Variants in PRXL2A observed in about 807,000 individuals in gnomAD.
PRXL2A encodes peroxiredoxin like 2A, also known as peroxiredoxin-like 2A.
A neutral mutation model predicts 25.6 loss-of-function variants in PRXL2A; 26 were observed. The ratio of observed to expected loss-of-function variants is 1.02; its 90% confidence interval spans 0.74 to 1.41. PRXL2A has a LOEUF of 1.41. Ranked by LOEUF, PRXL2A falls within the 40% of genes most tolerant of loss-of-function variation. The pLI, the probability that PRXL2A is intolerant of heterozygous loss-of-function variation, is 0.00. For synonymous variants in PRXL2A, 98 were observed against 102.9 expected (o/e 0.95, Z 0.29); for missense variants, 246 against 273.9 (o/e 0.90, Z 0.72).
At chr10:80,427,142 CAAAA>C (rs767746938) in intron 4 of PRXL2A, among the ~76,000 whole-genome samples, 186 bp from the exon 5 acceptor site, 5 of 91,978 alleles carry the variant, frequency 5.4e-5, no homozygotes, top group Non-Finnish European at 2.3e-5. Context: ...GACTCCATCT[CAAAA>C]AAAAAAAAAA....
Position 80,433,784 on chromosome 10 carries a change from T to C in PRXL2A, c.*1685T>C, listed in dbSNP as rs1481372249. 6.6e-6 allele frequency: 1 copy of C among 152,240 alleles called. No homozygotes were observed. 9.4% of individuals were successfully genotyped at this position (152,240 alleles called of 1,614,324 possible). On this transcript the variant is annotated 3_prime_UTR_variant, in exon 6 of 6. Coordinates refer to ENST00000606162, the MANE Select transcript of PRXL2A (RefSeq NM_032333.5). The stretch of plus-strand genomic sequence containing the variant: ...TGATAGGATAACTCAGTACCTAAAC[T>C]TAGAACTTTAATACCTAAGACACTT...
In PRXL2A at chr10:80,433,026, C is replaced by G. The variant is rs1427204132; in HGVS notation, c.*927C>G. The G allele has an allele frequency of 6.6e-6, 1 of 152,136 alleles. No individual in the cohort carries two copies. Among genetic ancestry groups the G allele is most frequent in the South Asian group, 2.1e-4 (1 of 4,828 alleles). 9.4% of individuals were successfully genotyped at this position (152,136 alleles called of 1,614,324 possible). On this transcript the variant is annotated 3_prime_UTR_variant, in exon 6 of 6. Transcript: ENST00000606162. ...GTATGTATAAGATTTTCTGATAAAACTAATAATTATATTTACCATATAATT... is the reference window on the plus strand; with the variant it reads ...GTATGTATAAGATTTTCTGATAAAAGTAATAATTATATTTACCATATAATT...
chr10:80,414,148 A>C (rs1844569970), intron 1 of PRXL2A, among the ~76,000 whole-genome samples: 1 of 152,186 alleles, frequency 6.6e-6, no homozygotes, highest in Admixed American at 6.5e-5. Flanking sequence ...AGCTTAGCCT[A>C]GGGAGCCCGA....
chr10:80,418,052 T>C (rs1844730848), intron 1 of PRXL2A, among the ~76,000 whole-genome samples: 1 of 151,834 alleles, frequency 6.6e-6, no homozygotes. Flanking sequence ...TTATTTTAGA[T>C]TCATGGGGTA....
chr10:80,408,329 G>A (rs2131869254), upstream of PRXL2A, among the ~76,000 whole-genome samples: 1 of 152,316 alleles, frequency 6.6e-6, no homozygotes, highest in Admixed American at 6.5e-5. Flanking sequence ...AACGCGTCGG[G>A]GCCTCGGTTC....
intron 3 of PRXL2A, among the ~76,000 whole-genome samples, chr10:80,424,848 TG>T (rs1272626471): frequency 6.6e-6 from 1 of 152,162 alleles, no homozygotes; most frequent in African/African-American, 2.4e-5. Flanking sequence ...GCGAGTAGCG[TG>T]GGCGACAGAG....
chr10:80,427,475 C>T lies in PRXL2A; in HGVS notation c.555C>T (p.Phe185=), dbSNP rs150904688. ...AAGGCTTCATCCTTGGGGGAGTTTTCGTGGTGGGATCAGGAAAGCAGGTGA... is the reference window on the plus strand; with the variant it reads ...AAGGCTTCATCCTTGGGGGAGTTTTTGTGGTGGGATCAGGAAAGCAGGTGA... ...EGEGFILGGV[F]VVGSGKQGIL... Residue 185 remains phenylalanine, a synonymous_variant, in exon 5 of 6, where the codon TTC becomes TTT. Transcript: ENST00000606162. 67 of 1,614,018 alleles carry T rather than the reference C, an allele frequency of 4.2e-5. 1 individual carries two copies. The African/African-American group carries it at 6.7e-4, about 16-fold the overall frequency.
intron 3 of PRXL2A, among the ~76,000 whole-genome samples, chr10:80,424,118 T>C (rs569137580): frequency 3.9e-5 from 6 of 152,216 alleles, no homozygotes; most frequent in African/African-American, 9.6e-5. Flanking sequence ...TGTGCCCACA[T>C]AGAACATTTA....
intron 4 of PRXL2A, among the ~76,000 whole-genome samples, chr10:80,426,831 T>C (rs1352103992): frequency 3.9e-5 from 6 of 152,250 alleles, no homozygotes; most frequent in African/African-American, 1.4e-4. Context: ...CAGGGTTCTG[T>C]TTTCTTGGCA....
chr10:80,423,749 G>T (rs7898558), intron 3 of PRXL2A, among the ~76,000 whole-genome samples: 51,207 of 152,182 alleles, frequency 0.34, 11,845 homozygotes, highest in African/African-American at 0.65. Context: ...AAAGCCACCC[G>T]GATCGGGGAG....
chr10:80,415,508 G>A (rs1419967873), intron 1 of PRXL2A, among the ~76,000 whole-genome samples: 3 of 152,156 alleles, frequency 2.0e-5, no homozygotes, highest in East Asian at 1.9e-4. Flanking sequence ...TCCTACACCG[G>A]CTCCAAAGCC....
rs1050895830 is a variant in PRXL2A at position 80,426,084 on chromosome 10, A to G, written c.411+78A>G. The stretch of plus-strand genomic sequence containing the variant: ...TGTGTGATAGTCAGGTGGCCCAGGT[A>G]TGTCTGGCCTGGAGCTGGAGGCTGG... On this transcript the variant is annotated intron_variant, in intron 4 of 5. Transcript: ENST00000606162. The G allele has an allele frequency of 1.3e-5, 20 of 1,571,590 alleles. No individual in the cohort carries two copies. The East Asian group carries it at 4.3e-4, about 33-fold the overall frequency.
In PRXL2A at chr10:80,436,701, G is replaced by A. The variant is rs1845411747; in HGVS notation, c.*4602G>A. The A allele has an allele frequency of 6.6e-6, 1 of 152,096 alleles. No individual in the cohort carries two copies. The highest frequency in any genetic ancestry group is 1.5e-5 in the Non-Finnish European group (1 of 68,048). 9.4% of individuals were successfully genotyped at this position (152,096 alleles called of 1,614,324 possible). ...GAAACTAGAATCCCTCTTCCCCAAG[G>A]CAGGTCATCAGAAACCAGAACCGGT... On this transcript the variant is annotated 3_prime_UTR_variant, in exon 6 of 6. Coordinates refer to ENST00000606162, the MANE Select transcript of PRXL2A (RefSeq NM_032333.5).
intron 5 of PRXL2A, among the ~76,000 whole-genome samples, chr10:80,430,348 C>T (rs2131915359): frequency 6.6e-6 from 1 of 152,242 alleles, no homozygotes; most frequent in African/African-American, 2.4e-5. Context: ...GTGATCTATC[C>T]ACATTGGTCT....
At chr10:80,426,066 T>A in intron 4 of PRXL2A, 60 bp downstream of exon 4, 1 of 1,602,648 alleles carries the variant, frequency 6.2e-7, no homozygotes, top group East Asian at 2.2e-5. Flanking sequence ...AGCTGTGTGA[T>A]AGTCAGGTGG....
intron 5 of PRXL2A, among the ~76,000 whole-genome samples, chr10:80,428,709 C>A (rs1351522927): frequency 6.6e-6 from 1 of 152,074 alleles, no homozygotes; most frequent in East Asian, 1.9e-4. Context: ...GGAGAAGGAC[C>A]TGGAAACTGG....
At chr10:80,415,112 C>G (rs1256379629) in intron 1 of PRXL2A, among the ~76,000 whole-genome samples, 1 of 152,154 alleles carries the variant, frequency 6.6e-6, no homozygotes, top group Non-Finnish European at 1.5e-5. Flanking sequence ...ATTTTCTGTG[C>G]TTCTCTCTGG....
intron 1 of PRXL2A, 51 bp from the exon 2 acceptor site, chr10:80,420,415 C>T (rs1844821959): frequency 2.7e-6 from 4 of 1,503,004 alleles, no homozygotes; most frequent in Non-Finnish European, 3.6e-6. Context: ...GATGAAATTC[C>T]AGCTACCCTG....
In PRXL2A at chr10:80,413,894, A is replaced by G. The variant is rs534944839; in HGVS notation, c.-3+5251A>G. ...TGTGTATGGTGAGTGCCTTGTTCCC[A>G]AGTTTGAAGCGTCTGAGGTTGGGGG... On this transcript the variant is annotated intron_variant, in intron 1 of 5. Transcript: ENST00000606162. 7.6e-5 allele frequency: 94 copies of G among 1,236,594 alleles called. No individual in the cohort carries two copies. The South Asian group carries it at 1.2e-3, about 16-fold the overall frequency. 76.6% of individuals were successfully genotyped at this position (1,236,594 alleles called of 1,614,324 possible).
Sources: gnomAD v4.1 joint callset for allele counts (sites outside exome capture counted in the v4.1 genomes callset) on GRCh38, gnomAD v4.1.1 for gene constraint, MANE v1.5 for transcripts, NCBI Gene and HGNC (gene_info 2026-07-23, HGNC 2026-07-21) for gene names.